Variants in CADPS observed in about 807,000 individuals in gnomAD.
CADPS encodes the protein calcium-dependent secretion activator 1.
A neutral mutation model predicts 167.3 loss-of-function variants in CADPS; 57 were observed. The ratio of observed to expected loss-of-function variants is 0.34; its 90% CI spans 0.28 to 0.42. The LOEUF is 0.42. CADPS is among the 20% of genes least tolerant of loss of function. The pLI is 1.00. For missense variants in CADPS, 1,414 were observed against 1,738.1 expected, an observed-to-expected ratio of 0.81 and a Z score of 3.32; for synonymous variants, 676 against 635.3, an observed-to-expected ratio of 1.06 and a Z score of -0.96.
intron 1 of CADPS, among the ~76,000 whole-genome samples, chr3:62,767,511 G>T (rs2152515549): frequency 6.6e-6 from 1 of 152,254 alleles, no homozygotes; most frequent in South Asian, 2.1e-4. Context: ...TACTGTTAGA[G>T]TCAATATAAT....
intron 1 of CADPS, among the ~76,000 whole-genome samples, chr3:62,786,195 A>G (rs757729957): frequency 1.2e-4 from 18 of 152,208 alleles, no homozygotes; most frequent in Non-Finnish European, 1.8e-4. Flanking sequence ...CCTGGGGGAC[A>G]GAGCAAGACT....
intron 3 of CADPS, among the ~76,000 whole-genome samples, chr3:62,703,198 G>A (rs1251339238): frequency 6.6e-6 from 1 of 152,150 alleles, no homozygotes; most frequent in Non-Finnish European, 1.5e-5. Flanking sequence ...AAATTCATGT[G>A]TGTACGCCCT....
At chr3:62,868,096 T>G (rs1277592459) in intron 1 of CADPS, among the ~76,000 whole-genome samples, 1 of 152,082 alleles carries the variant, frequency 6.6e-6, no homozygotes, top group African/African-American at 2.4e-5. Flanking sequence ...AGAAATCATA[T>G]CACATGCCTA....
At chr3:62,426,747 C>G (rs1017038870) in intron 28 of CADPS, among the ~76,000 whole-genome samples, 1 of 151,966 alleles carries the variant, frequency 6.6e-6, no homozygotes, top group South Asian at 2.1e-4. Context: ...AACATCTGCT[C>G]GATATAAAGA....
intron 28 of CADPS, among the ~76,000 whole-genome samples, chr3:62,435,051 A>AT (rs1201522452): frequency 6.6e-6 from 1 of 152,104 alleles, no homozygotes; most frequent in African/African-American, 2.4e-5. Context: ...GGAGATATAT[A>AT]TTTTTTTCTT....
chr3:62,791,880 T>C (rs1445573016), intron 1 of CADPS, among the ~76,000 whole-genome samples: 4 of 152,234 alleles, frequency 2.6e-5, no homozygotes, highest in South Asian at 4.1e-4. Flanking sequence ...TAATGTACTT[T>C]AAGTGCTTAG....
intron 27 of CADPS, among the ~76,000 whole-genome samples, chr3:62,444,990 C>G (rs990087030): frequency 6.6e-6 from 1 of 152,144 alleles, no homozygotes; most frequent in East Asian, 1.9e-4. Context: ...GAAACAAAAT[C>G]ATTTTCTTTT....
intron 1 of CADPS, among the ~76,000 whole-genome samples, chr3:62,839,298 G>A (rs1205083953): frequency 1.3e-5 from 2 of 152,048 alleles, no homozygotes; most frequent in African/African-American, 4.8e-5. Flanking sequence ...GGGTTTAAGC[G>A]ATTATCCTGC....
chr3:62,596,367 T>A (rs775942840), intron 6 of CADPS, among the ~76,000 whole-genome samples: 1 of 152,026 alleles, frequency 6.6e-6, no homozygotes, highest in Non-Finnish European at 1.5e-5. Flanking sequence ...AGCTAATTTT[T>A]TTGTATTTTT....
intron 25 of CADPS, 134 bp downstream of exon 25, chr3:62,466,205 G>C (rs1341925019): frequency 1.6e-6 from 1 of 629,226 alleles, no homozygotes; most frequent in Non-Finnish European, 2.8e-6. Flanking sequence ...GCTGAGGCTG[G>C]GTGATGTACA....
At chr3:62,700,916 C>T (rs4594613) in intron 3 of CADPS, among the ~76,000 whole-genome samples, 84,101 of 151,844 alleles carry the variant, frequency 0.55, 24,665 homozygotes, top group East Asian at 0.89. Flanking sequence ...GAAGTCTCAG[C>T]CCAGGCTGCC....
intron 1 of CADPS, among the ~76,000 whole-genome samples, chr3:62,814,209 T>C (rs2094510565): frequency 6.6e-6 from 1 of 152,094 alleles, no homozygotes; most frequent in Admixed American, 6.6e-5. Context: ...AAACCACCAG[T>C]CTTTGAAAGG....
Position 62,550,748 on chromosome 3 carries a change from C to T in CADPS, c.1754-633G>A, listed in dbSNP as rs1038034447. The stretch of plus-strand genomic sequence containing the variant: ...AGGCTGCTGCCCCACTGAAACTTGT[C>T]CAGGTTTCAGTGGACACATTGCTGA... On this transcript the variant is annotated intron_variant, in intron 10 of 29. Coordinates refer to ENST00000383710, the MANE Select transcript of CADPS (RefSeq NM_003716.4). 1.8e-5 allele frequency: 8 copies of T among 454,408 alleles called. No individual in the cohort carries two copies. In the East Asian group the frequency reaches 4.2e-4, roughly 24 times the overall value. The allele number at this position is 454,408 out of a possible 1,614,324, so 28.1% of individuals were successfully genotyped here.
At chr3:62,587,772 T>C (rs1057356992) in intron 7 of CADPS, among the ~76,000 whole-genome samples, 49 of 152,164 alleles carry the variant, frequency 3.2e-4, no homozygotes, top group African/African-American at 1.2e-3. Context: ...TTGTCCCCTG[T>C]GCAACTGCTT....
intron 24 of CADPS, chr3:62,467,386 CAT>C (rs1424242492): frequency 6.5e-6 from 5 of 766,696 alleles, no homozygotes; most frequent in African/African-American, 1.9e-5. Context: ...CAAAAGGACA[CAT>C]GAGAAAATAA....
intron 28 of CADPS, among the ~76,000 whole-genome samples, chr3:62,415,361 T>A (rs1462755220): frequency 6.6e-6 from 1 of 152,094 alleles, no homozygotes; most frequent in Admixed American, 6.5e-5. Flanking sequence ...AATGGAGGCA[T>A]GACCTCCTGT....
At chr3:62,789,570 G>C (rs557089093) in intron 1 of CADPS, among the ~76,000 whole-genome samples, 20 of 152,286 alleles carry the variant, frequency 1.3e-4, no homozygotes, top group African/African-American at 4.8e-4. Flanking sequence ...TGACAGCAAG[G>C]AAGAAGTTTT....
rs570696372 is a variant in CADPS, at chr3:62,458,701, C to T, written c.3636+6666G>A. Among the ~76,000 whole-genome samples the T allele has an allele frequency of 2.0e-5, 3 of 152,230 alleles. No individual in the cohort carries two copies. The South Asian group carries it at 6.2e-4, about 32-fold the overall frequency. On this transcript the variant is annotated intron_variant, in intron 26 of 29. Transcript: ENST00000383710. The surrounding 1 kb of genome is among the most constrained non-coding windows in gnomAD (Gnocchi z 4.6). ...ATGGAGTTTCACCATGTTGGCCAGG[C>T]TGGTCTCAAATTCCTGACCTCAGGT... is the stretch of plus-strand genomic sequence containing the variant.
At chr3:62,642,721 C>T (rs2067675605) in intron 6 of CADPS, among the ~76,000 whole-genome samples, 1 of 152,076 alleles carries the variant, frequency 6.6e-6, no homozygotes, top group African/African-American at 2.4e-5. Context: ...CCAGCCTCAG[C>T]AACATGGTGA....
Sources: gnomAD v4.1 joint callset for allele counts (sites outside exome capture counted in the v4.1 genomes callset) on GRCh38, gnomAD v4.1.1 for gene constraint, Gnocchi (gnomAD v3.1) non-coding constraint, MANE v1.5 for transcripts, NCBI Gene and HGNC (gene_info 2026-07-23, HGNC 2026-07-21) for gene names.